The following HSPA2 variants were observed in gnomAD, a reference collection of about 807,000 sequenced individuals.
HSPA2 encodes heat shock protein family A (Hsp70) member 2.
HSPA2 carries 13 observed loss-of-function variants against 35.0 expected under a neutral mutation model. That is an observed-to-expected ratio of 0.37 (90% CI 0.24 to 0.59). The LOEUF (loss-of-function observed/expected upper bound fraction) is 0.59, where lower values mean the gene tolerates loss of function less well. Among genes scored for constraint, HSPA2 ranks in the 20% least tolerant of loss-of-function variants. The pLI is 0.70. For synonymous variants in HSPA2, 368 were observed against 382.1 expected (o/e 0.96, Z 0.43); for missense variants, 565 against 885.4 (o/e 0.64, Z 4.59).
In HSPA2 at chr14:64,541,754, G is replaced by T; in HGVS notation, c.905G>T (p.Arg302Leu). The change falls in exon 1 of 1, where the codon CGC (arginine) becomes CTC (leucine). Residue 302 changes from arginine (R) to leucine (L), a missense_variant. This residue lies in a region of HSPA2 where 234 missense variants were observed against 419.0 expected (regional missense o/e 0.56). Coordinates refer to ENST00000247207, the MANE Select transcript of HSPA2 (RefSeq NM_021979.4). ...GTGGACTTCTATACGTCCATCACGC[G>T]CGCCCGCTTCGAGGAGCTCAATGCC... ...EGVDFYTSIT[R>L]ARFEELNADL... The T allele has an allele frequency of 6.2e-7, 1 of 1,612,400 alleles. No individual in the cohort carries two copies. The highest frequency in any genetic ancestry group is 8.5e-7 in the Non-Finnish European group (1 of 1,179,678).
chr14:64,541,746 C>T lies in HSPA2; in HGVS notation c.897C>T (p.Ser299=). 2 of 1,612,294 alleles carry T rather than the reference C, an allele frequency of 1.2e-6. No homozygotes were observed. The highest frequency in any genetic ancestry group is 1.7e-6 in the Non-Finnish European group (2 of 1,179,618). ...SLYEGVDFYT[S]ITRARFEELN... ...ACGAGGGCGTGGACTTCTATACGTCCATCACGCGCGCCCGCTTCGAGGAGC... is the reference window on the plus strand; with the variant it reads ...ACGAGGGCGTGGACTTCTATACGTCTATCACGCGCGCCCGCTTCGAGGAGC... Residue 299 remains serine, a synonymous_variant, in exon 1 of 1, where the codon TCC becomes TCT. Coordinates refer to ENST00000247207, the MANE Select transcript of HSPA2 (RefSeq NM_021979.4).
In HSPA2 at chr14:64,541,169, A is replaced by G; in HGVS notation, c.320A>G (p.Glu107Gly). 6.2e-7 allele frequency: 1 copy of G among 1,614,200 alleles called. No individual in the cohort carries two copies. Among genetic ancestry groups the G allele is most frequent in the Non-Finnish European group, 8.5e-7 (1 of 1,180,040 alleles). The change falls in exon 1 of 1, where the codon GAG (glutamate) becomes GGG (glycine). Residue 107 changes from glutamate (E) to glycine (G), a missense_variant. This residue lies in a region of HSPA2 where 183 missense variants were observed against 281.6 expected (regional missense o/e 0.65). Transcript: ENST00000247207. ...SEGGKPKVQVEYKGETKTFFP... is the reference protein window; with the variant it reads ...SEGGKPKVQVGYKGETKTFFP... The stretch of plus-strand genomic sequence containing the variant: ...GGAGGCAAGCCCAAAGTGCAAGTAG[A>G]GTACAAGGGGGAGACCAAGACCTTC...
Position 64,542,816 on chromosome 14 carries a change from C to CTTT in HSPA2, c.*54_*56dup, listed in dbSNP as rs35270454. On this transcript the variant is annotated 3_prime_UTR_variant, in exon 1 of 1. Transcript: ENST00000247207. The surrounding 1 kb of genome is among the most constrained non-coding windows in gnomAD (Gnocchi z 5.7). The stretch of plus-strand genomic sequence containing the variant: ...AACCTCTTTGCCTTTCTCTCTCTCT[C>CTTT]TTTTTTTTTGTTTGTTTCTTTGAAA... 8.3e-5 allele frequency: 116 copies of CTTT among 1,393,228 alleles called. 1 individual carries two copies. In the South Asian group the frequency reaches 1.5e-3, roughly 18 times the overall value. The allele number at this position is 1,393,228 out of a possible 1,614,324, so 86.3% of individuals were successfully genotyped here.
In HSPA2 at chr14:64,541,191, C is replaced by T. The variant is rs146452930; in HGVS notation, c.342C>T (p.Thr114=). 4.7e-5 allele frequency: 76 copies of T among 1,614,012 alleles called. No homozygotes were observed. Among genetic ancestry groups the T allele is most frequent in the Non-Finnish European group, 5.8e-5 (69 of 1,180,016 alleles). The stretch of plus-strand genomic sequence containing the variant: ...TAGAGTACAAGGGGGAGACCAAGAC[C>T]TTCTTCCCAGAGGAGATATCCTCCA... ...VQVEYKGETK[T]FFPEEISSMV... The change falls in exon 1 of 1, where the codon ACC becomes ACT. Residue 114 remains threonine (T), a synonymous_variant. Coordinates refer to ENST00000247207, the MANE Select transcript of HSPA2 (RefSeq NM_021979.4).
Position 64,542,333 on chromosome 14 carries a change from A to C in HSPA2, c.1484A>C (p.Asp495Ala), listed in dbSNP as rs202207348. 75 of 1,613,994 alleles carry C rather than the reference A, an allele frequency of 4.6e-5. No individual in the cohort carries two copies. Among genetic ancestry groups the C allele is most frequent in the Non-Finnish European group, 5.8e-5 (68 of 1,180,002 alleles). Residue 495 changes from aspartate to alanine, a missense_variant, in exon 1 of 1, where the codon GAC becomes GCC. Physicochemically the swap from Asp to Ala is moderately radical, Grantham distance 126 (BLOSUM62 -2). This residue lies in a region of HSPA2 where 234 missense variants were observed against 419.0 expected (regional missense o/e 0.56). Transcript: ENST00000247207. The surrounding 1 kb of genome is among the most constrained non-coding windows in gnomAD (Gnocchi z 5.7). ...GGCATCCTTAACGTTACCGCCGCCG[A>C]CAAGAGCACCGGTAAGGAAAACAAA... ...ANGILNVTAA[D>A]KSTGKENKIT...
Position 64,542,596 on chromosome 14 carries a change from T to G in HSPA2, c.1747T>G (p.Trp583Gly). 6.2e-7 allele frequency: 1 copy of G among 1,613,848 alleles called. No homozygotes were observed. Among genetic ancestry groups the G allele is most frequent in the Non-Finnish European group, 8.5e-7 (1 of 1,180,008 alleles). The change falls in exon 1 of 1, where the codon TGG becomes GGG. Residue 583 changes from tryptophan to glycine, a missense_variant. Trp to Gly is a radical substitution (Grantham distance 184, BLOSUM62 -2). Coordinates refer to ENST00000247207, the MANE Select transcript of HSPA2 (RefSeq NM_021979.4). The surrounding 1 kb of genome is among the most constrained non-coding windows in gnomAD (Gnocchi z 5.7). ...ILDKCQEVINWLDRNQMAEKD... is the reference protein window; with the variant it reads ...ILDKCQEVINGLDRNQMAEKD... The stretch of plus-strand genomic sequence containing the variant: ...CGACAAGTGTCAGGAGGTGATCAAC[T>G]GGCTCGACCGAAACCAGATGGCAGA...
upstream of HSPA2, among the ~76,000 whole-genome samples, chr14:64,539,126 G>A (rs547023123): frequency 3.3e-5 from 5 of 152,304 alleles, no homozygotes; most frequent in Admixed American, 3.3e-4. Context: ...TTATATGGGA[G>A]CCTGCTTCTA....
upstream of HSPA2, among the ~76,000 whole-genome samples, chr14:64,537,935 C>T (rs902118850): frequency 5.3e-5 from 8 of 151,940 alleles, no homozygotes; most frequent in African/African-American, 1.9e-4. Context: ...CCATCTTGGC[C>T]AGGCTGGTCT....
At chr14:64,540,737 A>T (rs1596713076), upstream of HSPA2, 4 of 1,476,448 alleles carry the variant, frequency 2.7e-6, no homozygotes, top group Non-Finnish European at 9.1e-7. Context: ...GGGCGCGGGG[A>T]GCTGAGTTGC....
At chr14:64,538,860 C>A (rs756434559), upstream of HSPA2, among the ~76,000 whole-genome samples, 1 of 152,202 alleles carries the variant, frequency 6.6e-6, no homozygotes, top group Non-Finnish European at 1.5e-5. Flanking sequence ...TTTTTTGAGA[C>A]GGAGTCTCGT....
upstream of HSPA2, chr14:64,535,944 T>A (rs576488022): frequency 2.1e-5 from 3 of 139,998 alleles, no homozygotes; most frequent in East Asian, 6.5e-4. Flanking sequence ...CCTTCTGCCG[T>A]GATTGTGAGG....
chr14:64,540,461 A>G (rs923716683), upstream of HSPA2: 7 of 257,960 alleles, frequency 2.7e-5, no homozygotes, highest in Non-Finnish European at 5.2e-5. Context: ...CGCGCGCCTA[A>G]CGCCAGCCAG....
rs765697693 is a variant in HSPA2 at position 64,541,458 on chromosome 14, G to C, written c.609G>C (p.Leu203=). 3.7e-6 allele frequency: 6 copies of C among 1,613,438 alleles called. No homozygotes were observed. The African/African-American group carries it at 6.7e-5, about 18-fold the overall frequency. The change falls in exon 1 of 1, where the codon CTG becomes CTC. Residue 203 remains leucine, a synonymous_variant. Coordinates refer to ENST00000247207, the MANE Select transcript of HSPA2 (RefSeq NM_021979.4). The part of the protein sequence containing the change: ...GGEKNVLIFD[L]GGGTFDVSIL... ...AGAAGAACGTGCTCATCTTTGACCTGGGCGGTGGCACTTTCGACGTGTCCA... is the reference window on the plus strand; with the variant it reads ...AGAAGAACGTGCTCATCTTTGACCTCGGCGGTGGCACTTTCGACGTGTCCA...
At position 64,541,759 on chromosome 14, in the gene HSPA2, C is replaced by A; in HGVS notation, c.910C>A (p.Arg304Ser). ...CTTCTATACGTCCATCACGCGCGCC[C>A]GCTTCGAGGAGCTCAATGCCGACCT... is the stretch of plus-strand genomic sequence containing the variant. ...VDFYTSITRA[R>S]FEELNADLFR... The change falls in exon 1 of 1, where the codon CGC becomes AGC. Residue 304 changes from arginine to serine, a missense_variant. This residue lies in a region of HSPA2 where 234 missense variants were observed against 419.0 expected (regional missense o/e 0.56). Transcript: ENST00000247207. 1 of 1,612,664 alleles carries A rather than the reference C, an allele frequency of 6.2e-7. No homozygotes were observed. The highest frequency in any genetic ancestry group is 8.5e-7 in the Non-Finnish European group (1 of 1,179,758).
chr14:64,543,227 T>C lies in HSPA2; in HGVS notation c.*458T>C, dbSNP rs1005246529. ...ATGCAAATGTAAAGTAAAGCTGAAA[T>C]TGATCTCAAAGTTACTGTCTTGGAG... On this transcript the variant is annotated 3_prime_UTR_variant, in exon 1 of 1. Transcript: ENST00000247207. The C allele has an allele frequency of 5.4e-6, 1 of 184,686 alleles. No individual in the cohort carries two copies. The highest frequency in any genetic ancestry group is 5.5e-5 in the Admixed American group (1 of 18,218). 11.4% of individuals were successfully genotyped at this position (184,686 alleles called of 1,614,324 possible). A position where few individuals can be genotyped will look rare whatever the true frequency, so the allele number is the denominator to read the frequency against.
chr14:64,541,366 A>G lies in HSPA2; in HGVS notation c.517A>G (p.Ile173Val). 1.2e-6 allele frequency: 2 copies of G among 1,613,766 alleles called. No individual in the cohort carries two copies. The highest frequency in any genetic ancestry group is 8.5e-7 in the Non-Finnish European group (1 of 1,180,030). ...GTITGLNVLR[I>V]INEPTAAAIA... Reference sequence around the variant, plus strand: ...CATCACGGGGCTCAATGTGCTGCGCATCATCAACGAGCCCACGGCGGCGGC... The same window carrying G: ...CATCACGGGGCTCAATGTGCTGCGCGTCATCAACGAGCCCACGGCGGCGGC... The change falls in exon 1 of 1, where the codon ATC becomes GTC. Residue 173 changes from isoleucine (I) to valine (V), a missense_variant. Coordinates refer to ENST00000247207, the MANE Select transcript of HSPA2 (RefSeq NM_021979.4).
In HSPA2 at chr14:64,541,743, G is replaced by A. The variant is rs751880597; in HGVS notation, c.894G>A (p.Thr298=). ...TCTACGAGGGCGTGGACTTCTATAC[G>A]TCCATCACGCGCGCCCGCTTCGAGG... ...DSLYEGVDFY[T]SITRARFEEL... The change falls in exon 1 of 1, where the codon ACG becomes ACA. Residue 298 remains threonine, a synonymous_variant. Transcript: ENST00000247207. The A allele has an allele frequency of 3.1e-6, 5 of 1,612,176 alleles. No individual in the cohort carries two copies. The highest frequency in any genetic ancestry group is 4.2e-6 in the Non-Finnish European group (5 of 1,179,558).
In HSPA2 at chr14:64,541,506, C is replaced by A; in HGVS notation, c.657C>A (p.Ile219=). 1 of 1,609,120 alleles carries A rather than the reference C, an allele frequency of 6.2e-7. No homozygotes were observed. Among genetic ancestry groups the A allele is most frequent in the Non-Finnish European group, 8.5e-7 (1 of 1,176,094 alleles). ...CCATCCTGACCATCGAGGATGGCATCTTCGAGGTGAAGTCCACGGCCGGCG... is the reference window on the plus strand; with the variant it reads ...CCATCCTGACCATCGAGGATGGCATATTCGAGGTGAAGTCCACGGCCGGCG... The part of the protein sequence containing the change: ...DVSILTIEDG[I]FEVKSTAGDT... The change falls in exon 1 of 1, where the codon ATC becomes ATA. Residue 219 remains isoleucine (I), a synonymous_variant. Coordinates refer to ENST00000247207, the MANE Select transcript of HSPA2 (RefSeq NM_021979.4).
rs3213995 is a variant in HSPA2, at chr14:64,542,932, A to C, written c.*163A>C. ...TGCAACAACTTAGTTTAATTATAAA[A>C]GTTCCAAAGTTTGTTTTTTAAAAAC... On this transcript the variant is annotated 3_prime_UTR_variant, in exon 1 of 1. Transcript: ENST00000247207. This position sits in a 1 kb window ranked among gnomAD's most constrained non-coding sequence, Gnocchi z 5.7. The C allele has an allele frequency of 3.3e-4, 405 of 1,220,272 alleles. 6 individuals carry two copies. The East Asian group carries it at 0.01, about 31-fold the overall frequency. The allele number at this position is 1,220,272 out of a possible 1,614,324, so 75.6% of individuals were successfully genotyped here.
Sources: gnomAD v4.1 joint callset for allele counts (sites outside exome capture counted in the v4.1 genomes callset) on GRCh38, gnomAD v4.1.1 for gene constraint, gnomAD v4.1.1 regional missense constraint, Gnocchi (gnomAD v3.1) non-coding constraint, MANE v1.5 for transcripts, NCBI Gene and HGNC (gene_info 2026-07-23, HGNC 2026-07-21) for gene names.